The following SPATA7 variants were observed in gnomAD, a reference collection of about 807,000 sequenced individuals.
SPATA7 encodes spermatogenesis-associated protein 7.
In SPATA7, 43 loss-of-function variants were observed where a neutral mutation model predicts 51.8. That is an observed-to-expected ratio of 0.83 (90% CI 0.65 to 1.07). The LOEUF (loss-of-function observed/expected upper bound fraction) is 1.07, where lower values mean the gene tolerates loss of function less well. SPATA7 is among the 50% of genes least tolerant of loss of function. SPATA7 has a pLI of 0.00. For missense variants in SPATA7, 683 were observed against 701.3 expected (o/e 0.97, Z 0.30); for synonymous variants, 230 against 252.8 (o/e 0.91, Z 0.86).
chr14:88,405,025 C>T (rs1427137367), intron 4 of SPATA7, among the ~76,000 whole-genome samples: 3 of 151,972 alleles, frequency 2.0e-5, no homozygotes, highest in Non-Finnish European at 4.4e-5. Flanking sequence ...ACTGAGAGTC[C>T]CTTGGAGGAG....
At chr14:88,442,585 T>C (rs1256630651), downstream of SPATA7, among the ~76,000 whole-genome samples, 3 of 152,204 alleles carry the variant, frequency 2.0e-5, no homozygotes, top group Non-Finnish European at 4.4e-5. Flanking sequence ...ATGTGGTATA[T>C]CACATTTATT....
At chr14:88,456,553 C>T (rs2140055759), downstream of SPATA7, among the ~76,000 whole-genome samples, 1 of 152,164 alleles carries the variant, frequency 6.6e-6, no homozygotes, top group East Asian at 1.9e-4. Context: ...TATCCTTCGC[C>T]CACTTGTTGA....
chr14:88,443,670 T>A (rs1358660362), intron 3 of SPATA7, among the ~76,000 whole-genome samples: 1 of 150,238 alleles, frequency 6.7e-6, no homozygotes, highest in East Asian at 2.0e-4. Context: ...AGTGTGATGT[T>A]CCCTTTCCTG....
At position 88,427,644 on chromosome 14, in the gene SPATA7, TG is replaced by T; in HGVS notation, c.864del (p.Thr289GlnfsTer7). 6.2e-7 allele frequency: 1 copy of T among 1,607,758 alleles called. No homozygotes were observed. The highest frequency in any genetic ancestry group is 1.1e-5 in the South Asian group (1 of 90,710). ...TQTELSFKSE[L>X]GTAETKNMTD... ...AATTATTACAGCTTTAAATCTGAGT[TG>T]GGGACAGCTGAGACTAAAAACATGA... is the stretch of plus-strand genomic sequence containing the variant. On this transcript the variant is annotated frameshift_variant, in exon 7 of 12. Transcript: ENST00000393545. LOFTEE classifies it high-confidence loss of function.
intron 6 of SPATA7, among the ~76,000 whole-genome samples, chr14:88,427,407 A>G (rs975330646): frequency 2.0e-5 from 3 of 152,130 alleles, no homozygotes; most frequent in African/African-American, 7.3e-5. Flanking sequence ...AGTAAAAACA[A>G]TTTAAGATTA....
In SPATA7 at chr14:88,406,473, G is replaced by A. The variant is rs535689805; in HGVS notation, c.239-10238G>A. Among the ~76,000 whole-genome samples, 216 of 150,196 alleles carry A rather than the reference G, an allele frequency of 1.4e-3. 1 individual carries two copies. The highest frequency in any genetic ancestry group is 5.1e-3 in the African/African-American group (208 of 40,910). ...TTAGCATTCTATTTTTTGTTATTGG[G>A]AAAAGAAGAAATTCTATTAAATAAA... On this transcript the variant is annotated intron_variant, in intron 4 of 11. Transcript: ENST00000393545.
At chr14:88,406,606 G>A (rs2139924291) in intron 4 of SPATA7, 1 of 151,392 alleles carries the variant, frequency 6.6e-6, no homozygotes, top group African/African-American at 2.5e-5. Flanking sequence ...AAAATGTCCA[G>A]GTGTTCTTTT....
In SPATA7 at chr14:88,460,846, A is replaced by G. The variant is rs115812932; in HGVS notation, c.255-9001A>G. Among the ~76,000 whole-genome samples, 714 of 152,106 alleles carry G rather than the reference A, an allele frequency of 4.7e-3. 11 individuals are homozygous for G. Among genetic ancestry groups the G allele is most frequent in the African/African-American group, 0.014 (581 of 41,492 alleles). On this transcript the variant is annotated intron_variant, in intron 4 of 4. Transcript: ENST00000556406. ...TTTCCCCATCTTTGTGGTTTTATCT[A>G]TCTCTGCTCTTTGATGATGGTGACG...
intron 1 of SPATA7, among the ~76,000 whole-genome samples, chr14:88,386,918 A>G (rs2075595453): frequency 6.6e-6 from 1 of 152,228 alleles, no homozygotes; most frequent in Non-Finnish European, 1.5e-5. Context: ...ACACTTCACC[A>G]ACCTAGGTTT....
rs143184396 is a variant in SPATA7, at chr14:88,396,242, A to C, written c.238+39A>C. 1,281 of 1,442,916 alleles carry C rather than the reference A, an allele frequency of 8.9e-4. 20 individuals are homozygous for C. The East Asian group carries it at 0.025, about 28-fold the overall frequency. 89.4% of individuals were successfully genotyped at this position (1,442,916 alleles called of 1,614,324 possible). ...GGACATTATTACCTTTTTAAAAAAA[A>C]ATTAAGGTAAATATACATAACATAA... On this transcript the variant is annotated intron_variant, in intron 4 of 11. Coordinates refer to ENST00000393545, the MANE Select transcript of SPATA7 (RefSeq NM_018418.5).
At chr14:88,453,437 T>C (rs2077265203) in intron 3 of SPATA7, among the ~76,000 whole-genome samples, 1 of 152,146 alleles carries the variant, frequency 6.6e-6, no homozygotes, top group African/African-American at 2.4e-5. Context: ...CTCTAGGAAG[T>C]CAATAAGTAA....
Position 88,438,098 on chromosome 14 carries a change from C to CATTTGGTTCTGA in SPATA7, c.1478_1479insTTGGTTCTGAAT (p.Phe492_Met493insIleTrpPheTer), listed in dbSNP as rs1566790896. The CATTTGGTTCTGA allele has an allele frequency of 6.2e-7, 1 of 1,614,048 alleles. No homozygotes were observed. ...TATTCCCTTCACCAACTGAATTTTT[C>CATTTGGTTCTGA]ATGCCTATTTATAAATCAAAGCATT... On this transcript the variant is annotated stop_gained and inframe_insertion, in exon 12 of 12. Coordinates refer to ENST00000393545, the MANE Select transcript of SPATA7 (RefSeq NM_018418.5). LOFTEE classifies it low-confidence loss of function (END_TRUNC).
chr14:88,452,338 T>C (rs2077256319), intron 3 of SPATA7, among the ~76,000 whole-genome samples: 1 of 152,172 alleles, frequency 6.6e-6, no homozygotes, highest in Admixed American at 6.5e-5. Context: ...GAGAGTGAAG[T>C]GGACCCTGTG....
intron 3 of SPATA7, among the ~76,000 whole-genome samples, chr14:88,444,716 TC>T (rs2077199732): frequency 6.6e-6 from 1 of 152,202 alleles, no homozygotes; most frequent in Non-Finnish European, 1.5e-5. Context: ...TAGCCAGTTT[TC>T]CCAGCACCAT....
intron 10 of SPATA7, among the ~76,000 whole-genome samples, chr14:88,433,957 C>T (rs2077007718): frequency 6.6e-6 from 1 of 152,068 alleles, no homozygotes; most frequent in Non-Finnish European, 1.5e-5. Context: ...ATTCTGTTGA[C>T]CCCTTTCATT....
intron 3 of SPATA7, among the ~76,000 whole-genome samples, chr14:88,444,775 G>T (rs1026114134): frequency 2.0e-5 from 3 of 152,130 alleles, no homozygotes; most frequent in Admixed American, 2.0e-4. Context: ...CCTCAGGTTT[G>T]TCAAAGATCA....
chr14:88,412,329 C>T (rs2076364294), intron 4 of SPATA7, among the ~76,000 whole-genome samples: 1 of 151,446 alleles, frequency 6.6e-6, no homozygotes, highest in Non-Finnish European at 1.5e-5. Context: ...AGTATTAACT[C>T]ACATGATCAC....
At chr14:88,468,897 T>A (rs750864725) in intron 4 of SPATA7, 7 of 1,613,662 alleles carry the variant, frequency 4.3e-6, no homozygotes, top group African/African-American at 1.3e-5. Context: ...AAAGGCCAGG[T>A]GATCATAAGC....
chr14:88,421,453 G>T (rs773615537), intron 5 of SPATA7, among the ~76,000 whole-genome samples: 12 of 152,224 alleles, frequency 7.9e-5, no homozygotes, highest in Middle Eastern at 3.4e-3. Flanking sequence ...TAATGAGTCT[G>T]GATTTTTTTC....
Sources: allele counts gnomAD v4.1 joint callset (sites outside exome capture counted in the v4.1 genomes callset), GRCh38; gene constraint gnomAD v4.1.1; transcripts MANE v1.5; gene names NCBI Gene and HGNC (gene_info 2026-07-23, HGNC 2026-07-21).